GALNTL6: variants seen among roughly 807,000 people sequenced by gnomAD.
GALNTL6 encodes polypeptide N-acetylgalactosaminyltransferase-like 6.
A neutral mutation model predicts 73.7 loss-of-function variants in GALNTL6; 46 were observed. The observed-to-expected ratio is 0.62, with a 90% confidence interval of 0.49 to 0.80. GALNTL6 has a LOEUF of 0.80. GALNTL6 is among the 30% of genes least tolerant of loss of function. GALNTL6 has a pLI of 0.00. For synonymous variants in GALNTL6, 259 were observed against 263.7 expected (o/e 0.98, Z 0.17); for missense variants, 604 against 755.0 (o/e 0.80, Z 2.34).
intron 7 of GALNTL6, among the ~76,000 whole-genome samples, chr4:172,858,580 A>T (rs1218594485): frequency 6.6e-6 from 1 of 152,234 alleles, no homozygotes; most frequent in Non-Finnish European, 1.5e-5. Context: ...CTGTAATCTC[A>T]GCATTTTGGG....
At chr4:172,014,691 A>G (rs1198909190) in intron 2 of GALNTL6, among the ~76,000 whole-genome samples, 1 of 152,084 alleles carries the variant, frequency 6.6e-6, no homozygotes, top group Non-Finnish European at 1.5e-5. Context: ...ATGTAATGCT[A>G]TGAACTTTCC....
At chr4:172,819,720 A>G (rs1393729039) in intron 7 of GALNTL6, among the ~76,000 whole-genome samples, 1 of 152,230 alleles carries the variant, frequency 6.6e-6, no homozygotes, top group East Asian at 1.9e-4. Flanking sequence ...ATTTTTACAA[A>G]TGAGATGATT....
rs147987218 is a variant in GALNTL6 at position 172,725,478 on chromosome 4, A to G, written c.554-83883A>G. On this transcript the variant is annotated intron_variant, in intron 5 of 12. Transcript: ENST00000506823. ...AATAAGGATCTTCTTCTCAACAGAT[A>G]TAAGGGGTTGTAATATAACTGGAGA... Among the ~76,000 whole-genome samples the G allele has an allele frequency of 3.1e-3, 476 of 152,344 alleles. 1 individual carries two copies. The highest frequency in any genetic ancestry group is 0.024 in the Middle Eastern group (7 of 294).
chr4:172,661,284 T>C (rs1325511124), intron 5 of GALNTL6, among the ~76,000 whole-genome samples: 1 of 152,166 alleles, frequency 6.6e-6, no homozygotes. Context: ...CAGAGAGCCT[T>C]TGGACTCAAA....
intron 5 of GALNTL6, among the ~76,000 whole-genome samples, chr4:172,791,776 T>G (rs1740006534): frequency 6.6e-6 from 1 of 152,196 alleles, no homozygotes; most frequent in Non-Finnish European, 1.5e-5. Flanking sequence ...TTTAAGCCTG[T>G]GTTCCTTGTT....
At chr4:171,958,828 T>G (rs1354663093) in intron 2 of GALNTL6, among the ~76,000 whole-genome samples, 1 of 152,168 alleles carries the variant, frequency 6.6e-6, no homozygotes, top group Non-Finnish European at 1.5e-5. Flanking sequence ...CAAATATATG[T>G]TGTGATTTTA....
At chr4:172,932,951 C>T (rs1258919129) in intron 9 of GALNTL6, among the ~76,000 whole-genome samples, 2 of 152,104 alleles carry the variant, frequency 1.3e-5, no homozygotes, top group African/African-American at 2.4e-5. Context: ...GATGCTAAAA[C>T]ATATTCCTCT....
chr4:172,850,249 A>G (rs1228384556), intron 7 of GALNTL6, among the ~76,000 whole-genome samples: 1 of 152,166 alleles, frequency 6.6e-6, no homozygotes, highest in Non-Finnish European at 1.5e-5. Context: ...TTTCAGTATT[A>G]TCTTCAAGAA....
chr4:171,885,990 T>C (rs906433476), intron 2 of GALNTL6, among the ~76,000 whole-genome samples: 8 of 152,018 alleles, frequency 5.3e-5, no homozygotes, highest in African/African-American at 4.8e-5. Flanking sequence ...TAAAGAGATG[T>C]AGACAAGTAG....
At chr4:171,892,235 G>T (rs548238319) in intron 2 of GALNTL6, among the ~76,000 whole-genome samples, 2 of 152,186 alleles carry the variant, frequency 1.3e-5, no homozygotes, top group South Asian at 4.1e-4. Flanking sequence ...CAACCCTTCT[G>T]GTTTTAAGCA....
chr4:172,136,447 G>T (rs1461339634), intron 2 of GALNTL6, among the ~76,000 whole-genome samples: 2 of 152,034 alleles, frequency 1.3e-5, no homozygotes, highest in East Asian at 1.9e-4. Context: ...ATATGTAAAA[G>T]AATGTATAGT....
intron 2 of GALNTL6, among the ~76,000 whole-genome samples, chr4:172,229,357 A>T (rs1736974702): frequency 6.6e-6 from 1 of 152,252 alleles, no homozygotes; most frequent in Non-Finnish European, 1.5e-5. Flanking sequence ...TTGGGCAAAT[A>T]AAAACAGCTA....
rs1739552191 is a variant in GALNTL6 at position 171,970,942 on chromosome 4, T to C, written c.138+156224T>C. On this transcript the variant is annotated intron_variant, in intron 2 of 12. Transcript: ENST00000506823. ...TAGAGTTAATTCAATTGATAAAAGA[T>C]GGAGAAAGATGAAATCTGACTTTAT... Among the ~76,000 whole-genome samples the C allele has an allele frequency of 2.0e-5, 3 of 152,178 alleles. No homozygotes were observed. In the South Asian group the frequency reaches 6.2e-4, roughly 31 times the overall value.
chr4:172,724,194 T>C (rs894400104), intron 5 of GALNTL6, among the ~76,000 whole-genome samples: 1 of 152,218 alleles, frequency 6.6e-6, no homozygotes, highest in Non-Finnish European at 1.5e-5. Flanking sequence ...TCACTTTTGA[T>C]GCTATTTAGA....
At chr4:172,233,178 G>A (rs1005243811) in intron 3 of GALNTL6, among the ~76,000 whole-genome samples, 1 of 149,232 alleles carries the variant, frequency 6.7e-6, no homozygotes, top group Non-Finnish European at 1.5e-5. Flanking sequence ...AAAGCAGCCT[G>A]GGAAACATAG....
chr4:172,275,664 G>T (rs1301083391), intron 3 of GALNTL6, among the ~76,000 whole-genome samples: 10 of 152,164 alleles, frequency 6.6e-5, no homozygotes, highest in Admixed American at 6.5e-4. Flanking sequence ...AGAGACTATA[G>T]TTAAGATCAT....
At chr4:172,488,324 G>A (rs543478329) in intron 5 of GALNTL6, among the ~76,000 whole-genome samples, 2 of 152,334 alleles carry the variant, frequency 1.3e-5, no homozygotes, top group South Asian at 4.1e-4. Flanking sequence ...AACGCAGATA[G>A]GGCCTAGTAA....
chr4:172,275,893 G>T (rs947469245), intron 3 of GALNTL6, among the ~76,000 whole-genome samples: 1 of 152,196 alleles, frequency 6.6e-6, no homozygotes, highest in African/African-American at 2.4e-5. Flanking sequence ...GGAGGCAGAG[G>T]TTGCAGTGAG....
At chr4:172,444,525 C>T (rs898787793) in intron 5 of GALNTL6, among the ~76,000 whole-genome samples, 6 of 152,140 alleles carry the variant, frequency 3.9e-5, no homozygotes, top group African/African-American at 1.4e-4. Flanking sequence ...AGCTATAAAA[C>T]ATAGATACTT....
Sources: gnomAD v4.1 joint callset for allele counts (sites outside exome capture counted in the v4.1 genomes callset) on GRCh38, gnomAD v4.1.1 for gene constraint, MANE v1.5 for transcripts, NCBI Gene and HGNC (gene_info 2026-07-23, HGNC 2026-07-21) for gene names.